The following TRIO variants were observed in gnomAD, a reference collection of about 807,000 sequenced individuals.
TRIO encodes trio Rho guanine nucleotide exchange factor, also known as triple functional domain protein.
A neutral mutation model predicts 351.9 loss-of-function variants in TRIO; 58 were observed. That is an observed-to-expected ratio of 0.16 (90% CI 0.13 to 0.21). The LOEUF (loss-of-function observed/expected upper bound fraction) is 0.21. Ranked by LOEUF, TRIO falls within the 10% of genes least tolerant of loss-of-function variation. TRIO has a pLI of 1.00. For missense variants in TRIO, 3,201 were observed against 4,027.8 expected, an observed-to-expected ratio of 0.79 and a Z score of 5.56; for synonymous variants, 1,758 against 1,595.7, an observed-to-expected ratio of 1.10 and a Z score of -2.42.
intron 8 of TRIO, among the ~76,000 whole-genome samples, chr5:14,308,051 T>G (rs972063208): frequency 6.6e-6 from 1 of 152,184 alleles, no homozygotes; most frequent in Non-Finnish European, 1.5e-5. Context: ...TTTTGTACTT[T>G]CCCTGCCTAC....
intron 44 of TRIO, 102 bp downstream of exon 44, chr5:14,481,386 G>A (rs529281231): frequency 1.1e-5 from 17 of 1,523,572 alleles, no homozygotes; most frequent in South Asian, 5.9e-5. Flanking sequence ...GGGGGTCAAA[G>A]CAGTGGATGA....
At chr5:14,423,922 G>C in intron 34 of TRIO, among the ~76,000 whole-genome samples, 1 of 138,392 alleles carries the variant, frequency 7.2e-6, no homozygotes, top group African/African-American at 3.0e-5. Context: ...AGACCCCATG[G>C]AATTTTTTTT....
chr5:14,385,943 C>A (rs1746503220), intron 21 of TRIO, among the ~76,000 whole-genome samples: 1 of 152,202 alleles, frequency 6.6e-6, no homozygotes, highest in Admixed American at 6.5e-5. Context: ...GTTTACAGTG[C>A]CCTCCACAGA....
At position 14,487,468 on chromosome 5, in the gene TRIO, G is replaced by C; in HGVS notation, c.6840G>C (p.Leu2280Phe). The C allele has an allele frequency of 9.1e-7, 1 of 1,093,132 alleles. No individual in the cohort carries two copies. Among genetic ancestry groups the C allele is most frequent in the Non-Finnish European group, 1.1e-6 (1 of 881,954 alleles). 67.7% of individuals were successfully genotyped at this position (1,093,132 alleles called of 1,614,324 possible). A position where few individuals can be genotyped will look rare whatever the true frequency, so the allele number is the denominator to read the frequency against. Residue 2280 changes from leucine (L) to phenylalanine (F), a missense_variant, in exon 48 of 57, where the codon TTG (leucine) becomes TTC (phenylalanine). This residue lies in a region of TRIO where 1,089 missense variants were observed against 954.9 expected (regional missense o/e 1.14). Transcript: ENST00000344204. ...TCCCGCTGTCTTGTCTTACAGCCTT[G>C]ACATCGCCAATCGAGTACCAGAGGA... ...LENQRNFLNA[L>F]TSPIEYQRNH...
intron 15 of TRIO, among the ~76,000 whole-genome samples, chr5:14,366,003 A>C (rs1744562805): frequency 6.6e-6 from 1 of 152,220 alleles, no homozygotes; most frequent in African/African-American, 2.4e-5. Context: ...TACTGTAGCC[A>C]AGCTGTAATA....
intron 1 of TRIO, among the ~76,000 whole-genome samples, chr5:14,245,993 A>G (rs374590552): frequency 1.1e-4 from 17 of 152,338 alleles, no homozygotes; most frequent in African/African-American, 3.8e-4. Flanking sequence ...AACATTGCTT[A>G]TTATTCTGGG....
chr5:14,378,435 TTAG>T (rs1309629754), intron 20 of TRIO, among the ~76,000 whole-genome samples: 2 of 152,252 alleles, frequency 1.3e-5, no homozygotes, highest in African/African-American at 4.8e-5. Flanking sequence ...GGTTCTGTAC[TTAG>T]GTAAATATGA....
chr5:14,159,126 C>G (rs1296679719), intron 1 of TRIO, among the ~76,000 whole-genome samples: 1 of 152,096 alleles, frequency 6.6e-6, no homozygotes, highest in East Asian at 1.9e-4. Context: ...ACGTGCGTCT[C>G]TTATGGAGGA....
chr5:14,296,653 T>C (rs1346898346), intron 6 of TRIO, among the ~76,000 whole-genome samples: 3 of 152,160 alleles, frequency 2.0e-5, no homozygotes. Context: ...GGTACGTGTT[T>C]TTGGGTTTCT....
intron 1 of TRIO, among the ~76,000 whole-genome samples, chr5:14,214,889 C>T (rs1792126070): frequency 6.6e-6 from 1 of 152,122 alleles, no homozygotes; most frequent in Non-Finnish European, 1.5e-5. Flanking sequence ...GATTTCAAAT[C>T]AGTAGTTATG....
Position 14,389,331 on chromosome 5 carries a change from C to T in TRIO, c.3991C>T (p.Pro1331Ser), listed in dbSNP as rs866249802. The part of the protein sequence containing the change: ...EMTSGVEEIP[P>S]GIVNKELIIF... Reference sequence around the variant, plus strand: ...GACCAGTGGCGTGGAAGAGATTCCACCTGGCATTGTAAACAAAGAACTCAT... The same window carrying T: ...GACCAGTGGCGTGGAAGAGATTCCATCTGGCATTGTAAACAAAGAACTCAT... Residue 1331 changes from proline to serine, a missense_variant, in exon 25 of 57, where the codon CCT (proline) becomes TCT (serine). Physicochemically the swap from Pro to Ser is moderately conservative, Grantham distance 74. Transcript: ENST00000344204. The T allele has an allele frequency of 1.2e-5, 19 of 1,612,700 alleles. No homozygotes were observed. The Middle Eastern group carries it at 1.2e-3, about 98-fold the overall frequency.
intron 54 of TRIO, among the ~76,000 whole-genome samples, chr5:14,503,910 C>T (rs1388090248): frequency 2.6e-5 from 4 of 152,206 alleles, no homozygotes; most frequent in Admixed American, 6.5e-5. Flanking sequence ...AGGAGTGGGT[C>T]ATCAGGGGCA....
intron 48 of TRIO, chr5:14,488,798 C>T (rs1299694840): frequency 3.3e-6 from 2 of 601,416 alleles, no homozygotes; most frequent in South Asian, 2.0e-5. Context: ...GGGAAAGAAT[C>T]TGTCCACTGG....
At chr5:14,186,069 T>C (rs1561178441) in intron 1 of TRIO, among the ~76,000 whole-genome samples, 1 of 152,232 alleles carries the variant, frequency 6.6e-6, no homozygotes, top group Non-Finnish European at 1.5e-5. Context: ...TTAGCACTAC[T>C]GAGTAGTATT....
intron 16 of TRIO, 143 bp downstream of exon 16, chr5:14,367,122 T>C: frequency 2.6e-6 from 3 of 1,171,060 alleles, no homozygotes; most frequent in Non-Finnish European, 3.5e-6. Context: ...TTGGCAACGC[T>C]TCTAAGTCTG....
intron 15 of TRIO, among the ~76,000 whole-genome samples, chr5:14,365,200 T>C (rs949202487): frequency 3.3e-5 from 5 of 152,224 alleles, no homozygotes; most frequent in Non-Finnish European, 5.9e-5. Context: ...TCCAGATGCC[T>C]GGGGCATTTC....
chr5:14,267,041 G>A (rs1010437531), intron 1 of TRIO, among the ~76,000 whole-genome samples: 5 of 152,060 alleles, frequency 3.3e-5, no homozygotes, highest in African/African-American at 1.2e-4. Context: ...AAACTGTGAC[G>A]GAATCCAGTC....
At chr5:14,503,571 C>T (rs1335980772) in intron 54 of TRIO, among the ~76,000 whole-genome samples, 2 of 152,198 alleles carry the variant, frequency 1.3e-5, no homozygotes, top group Non-Finnish European at 2.9e-5. Flanking sequence ...ACCCTGGGCT[C>T]CCCCACGTGA....
chr5:14,259,346 T>A (rs1264167062), intron 1 of TRIO, among the ~76,000 whole-genome samples: 2 of 152,218 alleles, frequency 1.3e-5, no homozygotes, highest in Non-Finnish European at 2.9e-5. Flanking sequence ...CCACTCACCT[T>A]TTGTCTGTAT....
Sources: allele counts gnomAD v4.1 joint callset (sites outside exome capture counted in the v4.1 genomes callset), GRCh38; gene constraint gnomAD v4.1.1; regional missense constraint gnomAD v4.1.1; transcripts MANE v1.5; gene names NCBI Gene and HGNC (gene_info 2026-07-23, HGNC 2026-07-21).